The following NUP214 variants were observed in gnomAD, a reference collection of about 807,000 sequenced individuals.
NUP214 encodes nucleoporin 214.
NUP214 carries 79 observed loss-of-function variants against 196.2 expected under a neutral mutation model. The observed-to-expected ratio is 0.40, with a 90% CI of 0.34 to 0.49. The LOEUF is 0.49. Ranked by LOEUF, NUP214 falls within the 20% of genes least tolerant of loss-of-function variation. The pLI, the probability that NUP214 is intolerant of heterozygous loss-of-function variation, is 0.58. For missense variants in NUP214, 2,468 were observed against 2,539.0 expected, an observed-to-expected ratio of 0.97 and a Z score of 0.60; for synonymous variants, 1,020 against 990.5, an observed-to-expected ratio of 1.03 and a Z score of -0.56.
chr9:131,211,700 T>C (rs1834244804), intron 30 of NUP214, among the ~76,000 whole-genome samples: 1 of 152,256 alleles, frequency 6.6e-6, no homozygotes, highest in East Asian at 1.9e-4. Flanking sequence ...GAAAATGTCA[T>C]GGACGTTTAT....
At chr9:131,185,474 T>G (rs950239179) in intron 24 of NUP214, among the ~76,000 whole-genome samples, 2 of 152,214 alleles carry the variant, frequency 1.3e-5, no homozygotes, top group Admixed American at 1.3e-4. Context: ...CATTTTCTTC[T>G]TAGAACAAAT....
chr9:131,162,830 T>C, intron 18 of NUP214, 161 bp from the exon 19 acceptor site: 2 of 696,870 alleles, frequency 2.9e-6, no homozygotes, highest in South Asian at 1.8e-5. Context: ...GGCTTTCATC[T>C]CCTTTTTATT....
chr9:131,227,752 G>A (rs1394248579), intron 32 of NUP214, among the ~76,000 whole-genome samples: 2 of 152,144 alleles, frequency 1.3e-5, no homozygotes, highest in Non-Finnish European at 2.9e-5. Flanking sequence ...GGTAGGGATT[G>A]GAGTTTTTGA....
rs542087775 is a variant in NUP214 at position 131,213,888 on chromosome 9, G to T, written c.5593-1324G>T. 3.9e-5 allele frequency among the ~76,000 whole-genome samples: 6 copies of T among 152,244 alleles called. No individual in the cohort carries two copies. In the East Asian group the frequency reaches 1.2e-3, roughly 29 times the overall value. On this transcript the variant is annotated intron_variant, in intron 30 of 35. Transcript: ENST00000359428. The stretch of plus-strand genomic sequence containing the variant: ...GTTGTATTTGAGGCACAGAAGATAT[G>T]TGTGACTGCCCTGAGTGAGGGGGAG...
chr9:131,190,261 A>G (rs1181433291), intron 26 of NUP214: 5 of 489,662 alleles, frequency 1.0e-5, no homozygotes, highest in South Asian at 7.3e-5. Flanking sequence ...GTATTTTACA[A>G]AAAGGTTTTG....
chr9:131,217,261 G>C (rs1490475083), intron 31 of NUP214, among the ~76,000 whole-genome samples: 1 of 152,190 alleles, frequency 6.6e-6, no homozygotes, highest in African/African-American at 2.4e-5. Context: ...TTATTGTCAA[G>C]AGACACATAC....
chr9:131,173,072 T>C (rs1348996936), intron 21 of NUP214, among the ~76,000 whole-genome samples: 5 of 152,220 alleles, frequency 3.3e-5, no homozygotes, highest in Non-Finnish European at 7.3e-5. Context: ...CTTGTTGTTA[T>C]TTGAGAAGGA....
At chr9:131,153,445 T>C (rs1832333123) in intron 17 of NUP214, 1 of 152,188 alleles carries the variant, frequency 6.6e-6, no homozygotes, top group Non-Finnish European at 1.5e-5. Context: ...TGATGCGTCC[T>C]CTTTCCACTG....
At chr9:131,160,861 C>G (rs1046356173) in intron 18 of NUP214, among the ~76,000 whole-genome samples, 6 of 152,194 alleles carry the variant, frequency 3.9e-5, no homozygotes, top group African/African-American at 1.4e-4. Context: ...GGGGAGAATT[C>G]TGTGGCCTGT....
At chr9:131,133,053 T>C in intron 6 of NUP214, 53 bp from the exon 7 acceptor site, 3 of 1,352,854 alleles carry the variant, frequency 2.2e-6, no homozygotes, top group South Asian at 2.4e-5. Flanking sequence ...TGCTTTTTCT[T>C]GTATCTGGTT....
intron 21 of NUP214, 114 bp from the exon 22 acceptor site, chr9:131,173,941 A>C: frequency 7.5e-7 from 1 of 1,337,216 alleles, no homozygotes; most frequent in East Asian, 2.4e-5. Flanking sequence ...AATAAGTAAT[A>C]ATTAAATCAT....
intron 30 of NUP214, among the ~76,000 whole-genome samples, chr9:131,212,501 T>C (rs969036798): frequency 3.9e-5 from 6 of 152,108 alleles, no homozygotes; most frequent in African/African-American, 1.4e-4. Context: ...AGCTTTAAAA[T>C]TTCTCTCTTT....
chr9:131,174,574 A>T (rs1833061217), intron 22 of NUP214, among the ~76,000 whole-genome samples: 1 of 144,896 alleles, frequency 6.9e-6, no homozygotes, highest in East Asian at 2.1e-4. Flanking sequence ...TCACCCTCCC[A>T]AGTAGCTGGG....
At position 131,230,647 on chromosome 9, in the gene NUP214, A is replaced by C. The variant is rs113814568; in HGVS notation, c.6092A>C (p.Asn2031Thr). The change falls in exon 34 of 36, where the codon AAC (asparagine) becomes ACC (threonine). Residue 2031 changes from asparagine (N) to threonine (T), a missense_variant. Coordinates refer to ENST00000359428, the MANE Select transcript of NUP214 (RefSeq NM_005085.4). ...AGGFGFGSSS[N>T]TTSFGTLASQ... Reference sequence around the variant, plus strand: ...GAGCGCAGGTTTGGGAGCAGCAGCAACACCACATCCTTCGGCACGCTCGCG... The same window carrying C: ...GAGCGCAGGTTTGGGAGCAGCAGCACCACCACATCCTTCGGCACGCTCGCG... 3 of 1,613,992 alleles carry C rather than the reference A, an allele frequency of 1.9e-6. No individual in the cohort carries two copies. In the African/African-American group the frequency reaches 4.0e-5, roughly 22 times the overall value.
At chr9:131,173,538 A>AT (rs111676098) in intron 21 of NUP214, among the ~76,000 whole-genome samples, 2,358 of 143,442 alleles carry the variant, frequency 0.016, 44 homozygotes, top group African/African-American at 0.052. Flanking sequence ...AGTCTCTTGT[A>AT]TTTTTTTTTT....
intron 30 of NUP214, among the ~76,000 whole-genome samples, chr9:131,206,148 CTTTTT>C (rs71265048): frequency 5.2e-5 from 4 of 76,386 alleles, no homozygotes; most frequent in Admixed American, 1.6e-4. Flanking sequence ...TTTCTTTTTT[CTTTTT>C]TTTTTTTTTG....
intron 32 of NUP214, 119 bp from the exon 33 acceptor site, chr9:131,228,041 A>G (rs1834771861): frequency 3.1e-6 from 3 of 957,392 alleles, no homozygotes; most frequent in South Asian, 2.1e-5. Flanking sequence ...AATTGCTAAC[A>G]TCCTCTTTTC....
intron 16 of NUP214, 56 bp from the exon 17 acceptor site, chr9:131,151,680 A>G: frequency 7.2e-7 from 1 of 1,397,730 alleles, no homozygotes; most frequent in South Asian, 1.3e-5. Context: ...TGATCCAAAC[A>G]GAAAGATTTG....
In NUP214 at chr9:131,222,994, G is replaced by A. The variant is rs1179607271; in HGVS notation, c.5902+64G>A. The A allele has an allele frequency of 4.0e-6, 6 of 1,498,080 alleles. No individual in the cohort carries two copies. In the African/African-American group the frequency reaches 5.6e-5, roughly 14 times the overall value. The allele number at this position is 1,498,080 out of a possible 1,614,324, so 92.8% of individuals were successfully genotyped here. On this transcript the variant is annotated intron_variant, in intron 32 of 35. Transcript: ENST00000359428. Reference sequence around the variant, plus strand: ...TGTATTTGTTTATGCATAGATATCTGGAAGGAGACATCTCTAGGGTGGTTA... The same window carrying A: ...TGTATTTGTTTATGCATAGATATCTAGAAGGAGACATCTCTAGGGTGGTTA...
Sources: allele counts gnomAD v4.1 joint callset (sites outside exome capture counted in the v4.1 genomes callset), GRCh38; gene constraint gnomAD v4.1.1; transcripts MANE v1.5; gene names NCBI Gene and HGNC (gene_info 2026-07-23, HGNC 2026-07-21).